ZNF385B: variants seen among roughly 807,000 people sequenced by gnomAD.
The protein encoded by ZNF385B is zinc finger protein 533.
In ZNF385B, 23 loss-of-function variants were observed where a neutral mutation model predicts 39.2. That is an observed-to-expected ratio of 0.59 (90% CI 0.42 to 0.83). ZNF385B has a LOEUF of 0.83. Ranked by LOEUF, ZNF385B falls within the 40% of genes least tolerant of loss-of-function variation. The pLI is 0.00. For missense variants in ZNF385B, 552 were observed against 598.9 expected, an observed-to-expected ratio of 0.92 and a Z score of 0.82; for synonymous variants, 205 against 222.6, an observed-to-expected ratio of 0.92 and a Z score of 0.70.
intron 1 of ZNF385B, among the ~76,000 whole-genome samples, chr2:179,847,995 C>G (rs1708886446): frequency 1.3e-5 from 2 of 152,078 alleles, no homozygotes. Context: ...GAACATAGCT[C>G]TAGAAAGAAG....
chr2:179,524,551 CAAAAAAAAAAAAAAAAAAA>C (rs770219234), intron 4 of ZNF385B, among the ~76,000 whole-genome samples: 89 of 60,996 alleles, frequency 1.5e-3, no homozygotes, highest in African/African-American at 6.0e-3. Flanking sequence ...GACTCCGTCT[CAAAAAAAAAAAAAAAAAAA>C]AAAAAAAAAA....
intron 3 of ZNF385B, among the ~76,000 whole-genome samples, chr2:179,719,676 C>T (rs922955210): frequency 4.6e-5 from 7 of 152,318 alleles, no homozygotes; most frequent in East Asian, 1.9e-4. Context: ...GCAGTGGGAA[C>T]AGCATGTTAA....
At chr2:179,739,821 T>C (rs1039751071) in intron 3 of ZNF385B, among the ~76,000 whole-genome samples, 1 of 152,072 alleles carries the variant, frequency 6.6e-6, no homozygotes, top group African/African-American at 2.4e-5. Context: ...CTTACCCCCA[T>C]TAAAGCATGA....
At chr2:179,494,470 G>A (rs140253014) in intron 5 of ZNF385B, among the ~76,000 whole-genome samples, 45 of 152,142 alleles carry the variant, frequency 3.0e-4, no homozygotes, top group South Asian at 2.9e-3. Flanking sequence ...AATCAGAAAG[G>A]CTTCAAAAAC....
At chr2:179,828,645 T>C (rs1015357955) in intron 1 of ZNF385B, among the ~76,000 whole-genome samples, 38 of 152,314 alleles carry the variant, frequency 2.5e-4, no homozygotes, top group African/African-American at 9.1e-4. Context: ...AAGAAAAGGC[T>C]CCTGGTTTTC....
At chr2:179,459,084 T>G (rs2051015008) in intron 6 of ZNF385B, among the ~76,000 whole-genome samples, 1 of 152,222 alleles carries the variant, frequency 6.6e-6, no homozygotes, top group Non-Finnish European at 1.5e-5. Flanking sequence ...AAAGCTTCTT[T>G]TAAGAAAAAT....
chr2:179,606,669 T>A, intron 3 of ZNF385B, among the ~76,000 whole-genome samples: 1 of 152,248 alleles, frequency 6.6e-6, no homozygotes. Context: ...CTTGCCAAAA[T>A]ATATTATTTC....
chr2:179,657,397 A>C (rs1240564073), intron 3 of ZNF385B, among the ~76,000 whole-genome samples: 1 of 152,238 alleles, frequency 6.6e-6, no homozygotes, highest in Non-Finnish European at 1.5e-5. Flanking sequence ...GTTCCAAAGA[A>C]ACTGCTCAAA....
intron 1 of ZNF385B, among the ~76,000 whole-genome samples, chr2:179,792,677 T>C (rs370254511): frequency 4.2e-3 from 638 of 152,220 alleles, no homozygotes; most frequent in African/African-American, 0.014. Context: ...GCCCGGCCCA[T>C]TTCCTTTTTA....
intron 3 of ZNF385B, among the ~76,000 whole-genome samples, chr2:179,612,655 C>A (rs961677435): frequency 1.3e-5 from 2 of 152,190 alleles, no homozygotes; most frequent in Non-Finnish European, 2.9e-5. Flanking sequence ...ACCACTGGGA[C>A]TGCGCTGTGT....
chr2:179,570,942 A>G (rs1685139951), intron 3 of ZNF385B, among the ~76,000 whole-genome samples: 1 of 152,182 alleles, frequency 6.6e-6, no homozygotes, highest in Non-Finnish European at 1.5e-5. Context: ...TTTATTTTTA[A>G]TGTACTAGAA....
intron 1 of ZNF385B, among the ~76,000 whole-genome samples, chr2:179,809,328 A>G (rs1194546033): frequency 6.6e-6 from 1 of 152,164 alleles, no homozygotes; most frequent in Non-Finnish European, 1.5e-5. Context: ...TCTCTCTTCT[A>G]TCTTTGTGTT....
At chr2:179,646,457 C>T (rs1692729897) in intron 3 of ZNF385B, among the ~76,000 whole-genome samples, 2 of 152,192 alleles carry the variant, frequency 1.3e-5, no homozygotes, top group South Asian at 2.1e-4. Flanking sequence ...AACCTGATGT[C>T]ATACTTCTCT....
intron 3 of ZNF385B, among the ~76,000 whole-genome samples, chr2:179,586,772 C>T (rs1328962986): frequency 6.6e-6 from 1 of 152,220 alleles, no homozygotes; most frequent in African/African-American, 2.4e-5. Flanking sequence ...GGCATGGTGG[C>T]TCATGCCTGT....
chr2:179,608,808 C>A (rs1466693498), intron 3 of ZNF385B, among the ~76,000 whole-genome samples: 1 of 150,734 alleles, frequency 6.6e-6, no homozygotes, highest in African/African-American at 2.4e-5. Context: ...CAGACCTCAT[C>A]ACCATTACAA....
intron 3 of ZNF385B, among the ~76,000 whole-genome samples, chr2:179,606,736 T>C (rs1374551302): frequency 6.6e-6 from 1 of 152,184 alleles, no homozygotes; most frequent in Non-Finnish European, 1.5e-5. Flanking sequence ...ATCACCGAAA[T>C]TTTGAAAAGC....
chr2:179,727,783 G>A (rs1051508839), intron 3 of ZNF385B, among the ~76,000 whole-genome samples: 3 of 152,160 alleles, frequency 2.0e-5, no homozygotes, highest in Middle Eastern at 3.4e-3. Flanking sequence ...TGCATCAAAA[G>A]ATACCATAAA....
chr2:179,523,950 GT>G (rs892558941), intron 4 of ZNF385B, among the ~76,000 whole-genome samples: 12 of 151,592 alleles, frequency 7.9e-5, no homozygotes, highest in South Asian at 4.2e-4. Flanking sequence ...GCCCAGCTAA[GT>G]TTTTTTTTAA....
At chr2:179,548,440 AC>A (rs1227922393) in intron 3 of ZNF385B, among the ~76,000 whole-genome samples, 1 of 149,090 alleles carries the variant, frequency 6.7e-6, no homozygotes, top group African/African-American at 2.5e-5. Flanking sequence ...TTTTAATATA[AC>A]AACTTTATTG....
Sources: allele counts gnomAD v4.1 joint callset (sites outside exome capture counted in the v4.1 genomes callset), GRCh38; gene constraint gnomAD v4.1.1; transcripts MANE v1.5; gene names NCBI Gene and HGNC (gene_info 2026-07-23, HGNC 2026-07-21).